SAXO1: variants seen among roughly 807,000 people sequenced by gnomAD.
The protein encoded by SAXO1 is stabilizer of axonemal microtubules 1.
A neutral mutation model predicts 17.5 loss-of-function variants in SAXO1; 21 were observed. The observed-to-expected ratio is 1.20, with a 90% CI of 0.85 to 1.72. SAXO1 has a LOEUF of 1.72. Ranked by LOEUF, SAXO1 falls within the 40% of genes most tolerant of loss-of-function variation. SAXO1 has a pLI of 0.00. For missense variants in SAXO1, 843 were observed against 596.0 expected (o/e 1.41, Z -4.32); for synonymous variants, 274 against 216.5 (o/e 1.27, Z -2.33).
chr9:18,964,761 T>C (rs906583453), intron 1 of SAXO1, among the ~76,000 whole-genome samples: 7 of 152,216 alleles, frequency 4.6e-5, no homozygotes, highest in Admixed American at 4.6e-4. Context: ...CTCCCTCAAT[T>C]CTGTTCTGAT....
At chr9:19,017,143 A>G (rs1236335045) in intron 1 of SAXO1, among the ~76,000 whole-genome samples, 1 of 152,116 alleles carries the variant, frequency 6.6e-6, no homozygotes, top group Non-Finnish European at 1.5e-5. Flanking sequence ...AACTTGTTGC[A>G]AGGCAAAGGC....
At chr9:19,021,959 C>T (rs1243244925) in intron 1 of SAXO1, among the ~76,000 whole-genome samples, 1 of 152,228 alleles carries the variant, frequency 6.6e-6, no homozygotes, top group Non-Finnish European at 1.5e-5. Context: ...CCAGCAAGGG[C>T]AACCTGCTCA....
chr9:18,959,746 G>A (rs1043711749), intron 1 of SAXO1, among the ~76,000 whole-genome samples: 1 of 151,472 alleles, frequency 6.6e-6, no homozygotes, highest in African/African-American at 2.4e-5. Flanking sequence ...ACTCCAGCCT[G>A]GGCAACAAGA....
intron 1 of SAXO1, among the ~76,000 whole-genome samples, chr9:19,031,161 G>A (rs1048065471): frequency 1.3e-5 from 2 of 152,356 alleles, no homozygotes; most frequent in African/African-American, 4.8e-5. Context: ...TGAGCATTCT[G>A]CCTTCCTACC....
chr9:18,963,928 T>G (rs957628216), intron 1 of SAXO1, among the ~76,000 whole-genome samples: 1 of 152,230 alleles, frequency 6.6e-6, no homozygotes, highest in Non-Finnish European at 1.5e-5. Flanking sequence ...GGCTGTGGGT[T>G]TGTCATAAAT....
intron 1 of SAXO1, among the ~76,000 whole-genome samples, chr9:19,043,475 A>T (rs973164861): frequency 5.3e-5 from 8 of 151,552 alleles, no homozygotes; most frequent in Non-Finnish European, 1.2e-4. Flanking sequence ...AAGGAGTAAG[A>T]CCTAGTAGGG....
intron 1 of SAXO1, among the ~76,000 whole-genome samples, chr9:18,987,749 T>A (rs1049378462): frequency 1.1e-4 from 17 of 151,686 alleles, no homozygotes; most frequent in African/African-American, 4.1e-4. Context: ...AAAAAATAAT[T>A]AGCTAGGTGT....
intron 1 of SAXO1, among the ~76,000 whole-genome samples, chr9:18,983,012 G>A (rs562559849): frequency 6.6e-6 from 1 of 152,250 alleles, no homozygotes; most frequent in East Asian, 1.9e-4. Context: ...TCAAACATGA[G>A]GTGACGCTTG....
At chr9:18,996,282 A>G (rs1399723189) in intron 1 of SAXO1, among the ~76,000 whole-genome samples, 1 of 152,198 alleles carries the variant, frequency 6.6e-6, no homozygotes, top group Non-Finnish European at 1.5e-5. Flanking sequence ...ATATACAGCC[A>G]TCCACCACTT....
intron 1 of SAXO1, among the ~76,000 whole-genome samples, chr9:18,983,309 C>T (rs934627999): frequency 1.4e-4 from 22 of 152,014 alleles, no homozygotes; most frequent in African/African-American, 5.1e-4. Context: ...GGGTAACTGC[C>T]AAACACTTTT....
At chr9:19,021,858 T>C (rs534345657) in intron 1 of SAXO1, among the ~76,000 whole-genome samples, 18 of 151,656 alleles carry the variant, frequency 1.2e-4, no homozygotes, top group Non-Finnish European at 2.2e-4. Flanking sequence ...ATCAGCACTC[T>C]GTAAAATGGA....
intron 1 of SAXO1, chr9:19,028,162 G>T: frequency 6.9e-7 from 1 of 1,441,992 alleles, no homozygotes; most frequent in South Asian, 1.2e-5. Flanking sequence ...CCGGACTCGC[G>T]GCTGAAGTGC....
intron 3 of SAXO1, among the ~76,000 whole-genome samples, chr9:18,941,357 C>A (rs1416343668): frequency 2.0e-5 from 3 of 152,102 alleles, no homozygotes; most frequent in Non-Finnish European, 4.4e-5. Flanking sequence ...ATGAATATGG[C>A]TGCGTTCCAA....
intron 3 of SAXO1, among the ~76,000 whole-genome samples, chr9:18,940,652 G>A (rs924876706): frequency 3.3e-5 from 5 of 152,210 alleles, no homozygotes; most frequent in African/African-American, 1.2e-4. Context: ...GCAAGGCAAA[G>A]GTTGGTATCA....
chr9:19,034,516 G>A (rs1031161990), upstream of SAXO1, among the ~76,000 whole-genome samples: 1 of 152,066 alleles, frequency 6.6e-6, no homozygotes, highest in African/African-American at 2.4e-5. Context: ...AAACATTCCC[G>A]ATTTTGCCTC....
chr9:18,966,719 T>C (rs2104595), intron 1 of SAXO1, among the ~76,000 whole-genome samples: 114,942 of 152,124 alleles, frequency 0.76, 43,520 homozygotes, highest in Non-Finnish European at 0.77. Context: ...TTTGTTATTA[T>C]TCACCTTCTG....
chr9:19,012,698 G>A (rs989047800), intron 1 of SAXO1, among the ~76,000 whole-genome samples: 2 of 116,426 alleles, frequency 1.7e-5, no homozygotes, highest in Admixed American at 8.7e-5. Flanking sequence ...CAAGCAACCT[G>A]TGATTATATT....
At position 18,999,326 on chromosome 9, in the gene SAXO1, T is replaced by C. The variant is rs573542827; in HGVS notation, c.38+33545A>G. Among the ~76,000 whole-genome samples, 459 of 150,546 alleles carry C rather than the reference T, an allele frequency of 3.0e-3. 8 individuals are homozygous for C. In the South Asian group the frequency reaches 0.045, roughly 15 times the overall value. ...CTGGGATGTGAGGAGTGCCTCTGCC[T>C]GGCCACTGCCCCGGCTGGCAAGTGA... On this transcript the variant is annotated intron_variant, in intron 1 of 3. Transcript: ENST00000380534.
intron 1 of SAXO1, among the ~76,000 whole-genome samples, chr9:18,951,561 G>A (rs1465333103): frequency 1.3e-5 from 2 of 152,088 alleles, no homozygotes; most frequent in Admixed American, 6.5e-5. Flanking sequence ...TACAGCCTTA[G>A]AAAGACTTCC....
Sources: allele counts gnomAD v4.1 joint callset (sites outside exome capture counted in the v4.1 genomes callset), GRCh38; gene constraint gnomAD v4.1.1; transcripts MANE v1.5; gene names NCBI Gene and HGNC (gene_info 2026-07-23, HGNC 2026-07-21).